CA10: variants seen among roughly 807,000 people sequenced by gnomAD.
CA10 encodes the protein carbonic anhydrase 10 (inactive).
A neutral mutation model predicts 44.2 loss-of-function variants in CA10; 14 were observed. The observed-to-expected ratio is 0.32, with a 90% CI of 0.21 to 0.50. CA10 has a LOEUF of 0.50. Among genes scored for constraint, CA10 ranks in the 20% least tolerant of loss-of-function variants. CA10 has a pLI of 0.99. For synonymous variants in CA10, 159 were observed against 141.6 expected, an observed-to-expected ratio of 1.12 and a Z score of -0.87; for missense variants, 350 against 409.7, an observed-to-expected ratio of 0.85 and a Z score of 1.26.
At chr17:51,632,538 G>A (rs1912627665) in intron 8 of CA10, among the ~76,000 whole-genome samples, 1 of 152,164 alleles carries the variant, frequency 6.6e-6, no homozygotes, top group Non-Finnish European at 1.5e-5. Context: ...CTCCTATTTG[G>A]GGAGCATGTT....
At chr17:51,825,078 G>A (rs989840784) in intron 3 of CA10, among the ~76,000 whole-genome samples, 3 of 152,200 alleles carry the variant, frequency 2.0e-5, no homozygotes, top group Non-Finnish European at 2.9e-5. Context: ...AAGAGGAAGC[G>A]TAAGTCTGCC....
intron 3 of CA10, among the ~76,000 whole-genome samples, chr17:51,862,456 T>C (rs1044839405): frequency 1.9e-4 from 29 of 151,762 alleles, no homozygotes; most frequent in African/African-American, 6.8e-4. Flanking sequence ...CCTTAGCACC[T>C]TCTCCCACCT....
intron 1 of CA10, among the ~76,000 whole-genome samples, chr17:52,105,979 A>G (rs1001271211): frequency 9.8e-5 from 15 of 152,354 alleles, no homozygotes; most frequent in African/African-American, 3.4e-4. Context: ...AATTGCACAT[A>G]ATAGTCAATT....
intron 3 of CA10, among the ~76,000 whole-genome samples, chr17:51,757,267 G>C (rs139046506): frequency 5.5e-4 from 84 of 152,294 alleles, no homozygotes; most frequent in African/African-American, 2.0e-3. Context: ...CACTCTGGAA[G>C]CATCGACGCA....
At chr17:51,961,440 A>G (rs1173826718) in intron 2 of CA10, among the ~76,000 whole-genome samples, 1 of 151,994 alleles carries the variant, frequency 6.6e-6, no homozygotes, top group Admixed American at 6.6e-5. Flanking sequence ...AGCAAAGAAA[A>G]AGAGAAATGT....
At chr17:52,098,891 G>A (rs984419925) in intron 1 of CA10, among the ~76,000 whole-genome samples, 3 of 152,182 alleles carry the variant, frequency 2.0e-5, no homozygotes, top group Non-Finnish European at 4.4e-5. Context: ...AACAAATAGT[G>A]CGTGAGCATT....
intron 2 of CA10, among the ~76,000 whole-genome samples, chr17:51,935,030 A>C (rs139938780): frequency 2.2e-3 from 335 of 152,224 alleles, no homozygotes; most frequent in Non-Finnish European, 4.1e-3. Flanking sequence ...TATGAATGAA[A>C]GCTTCAAGAT....
chr17:52,038,044 G>A (rs2319634), intron 2 of CA10, among the ~76,000 whole-genome samples: 9,607 of 151,716 alleles, frequency 0.063, 308 homozygotes, highest in South Asian at 0.12. Context: ...CAATTGTTTC[G>A]TTGTATCCAA....
chr17:51,786,928 AT>A (rs1331999893), intron 3 of CA10, among the ~76,000 whole-genome samples: 2 of 152,180 alleles, frequency 1.3e-5, no homozygotes, highest in African/African-American at 4.8e-5. Flanking sequence ...ATTTTTGGAA[AT>A]AATCATATTG....
rs545739498 is a variant in CA10 at position 51,640,331 on chromosome 17, T to C, written c.635-4322A>G. Reference sequence around the variant, plus strand: ...AGGGGAAGCATCTCTGAGGCTCCAGTCAGCATCCTTAGCTTAAATACATGC... The same window carrying C: ...AGGGGAAGCATCTCTGAGGCTCCAGCCAGCATCCTTAGCTTAAATACATGC... On this transcript the variant is annotated intron_variant, in intron 6 of 8. Transcript: ENST00000451037. 1.4e-4 allele frequency among the ~76,000 whole-genome samples: 21 copies of C among 152,232 alleles called. 1 individual carries two copies. In the South Asian group the frequency reaches 4.4e-3, roughly 32 times the overall value.
At chr17:51,673,544 G>A (rs1017161756) in intron 4 of CA10, among the ~76,000 whole-genome samples, 4 of 152,174 alleles carry the variant, frequency 2.6e-5, no homozygotes, top group African/African-American at 9.7e-5. Flanking sequence ...TAGTCATGAA[G>A]TTCTGTGAAT....
chr17:51,994,394 T>G (rs1490446179), intron 2 of CA10, among the ~76,000 whole-genome samples: 1 of 152,076 alleles, frequency 6.6e-6, no homozygotes, highest in Non-Finnish European at 1.5e-5. Flanking sequence ...GTGACCTTAG[T>G]CAAGTCACGT....
At chr17:51,693,492 C>T (rs948832164) in intron 4 of CA10, among the ~76,000 whole-genome samples, 2 of 152,114 alleles carry the variant, frequency 1.3e-5, no homozygotes, top group Non-Finnish European at 2.9e-5. Flanking sequence ...ACCCCCTATC[C>T]ACCCCCGACC....
intron 2 of CA10, among the ~76,000 whole-genome samples, chr17:52,057,437 A>G (rs1403828310): frequency 1.5e-5 from 2 of 132,860 alleles, no homozygotes; most frequent in African/African-American, 4.9e-5. Flanking sequence ...TCTTAATAAC[A>G]TTTTATTTTC....
chr17:51,783,360 G>A (rs552653580), intron 3 of CA10, among the ~76,000 whole-genome samples: 15 of 152,244 alleles, frequency 9.9e-5, no homozygotes, highest in Admixed American at 7.8e-4. Flanking sequence ...TAATTACATG[G>A]TACTTATTAA....
chr17:51,766,266 T>G (rs1156319772), intron 3 of CA10, among the ~76,000 whole-genome samples: 2 of 152,146 alleles, frequency 1.3e-5, no homozygotes, highest in African/African-American at 4.8e-5. Context: ...AATAAGGTAC[T>G]TATTTGGTTT....
chr17:51,718,511 C>T (rs1916248631), intron 4 of CA10, among the ~76,000 whole-genome samples: 1 of 152,142 alleles, frequency 6.6e-6, no homozygotes, highest in African/African-American at 2.4e-5. Flanking sequence ...CTTCCCCATA[C>T]CTTGCCCTAT....
chr17:51,669,883 C>A (rs1401451080), intron 4 of CA10, among the ~76,000 whole-genome samples: 1 of 152,226 alleles, frequency 6.6e-6, no homozygotes, highest in Admixed American at 6.5e-5. Context: ...CCACCCAAAT[C>A]TTATCTTGAA....
intron 3 of CA10, among the ~76,000 whole-genome samples, chr17:51,783,078 A>G (rs1291668184): frequency 6.6e-6 from 1 of 152,232 alleles, no homozygotes; most frequent in Non-Finnish European, 1.5e-5. Flanking sequence ...TTTATCTACA[A>G]TCACCCAGCT....
Sources: gnomAD v4.1 joint callset for allele counts (sites outside exome capture counted in the v4.1 genomes callset) on GRCh38, gnomAD v4.1.1 for gene constraint, MANE v1.5 for transcripts, NCBI Gene and HGNC (gene_info 2026-07-23, HGNC 2026-07-21) for gene names.